The following CTNND2 variants were observed in gnomAD, a reference collection of about 807,000 sequenced individuals.
The protein encoded by CTNND2 is catenin delta-2.
CTNND2 carries 22 observed loss-of-function variants against 144.4 expected under a neutral mutation model. That is an observed-to-expected ratio of 0.15 (90% CI 0.11 to 0.22). The LOEUF (loss-of-function observed/expected upper bound fraction) is 0.22. Ranked by LOEUF, CTNND2 falls within the 10% of genes least tolerant of loss-of-function variation. The pLI, the probability that CTNND2 is intolerant of heterozygous loss-of-function variation, is 1.00. For missense variants in CTNND2, 1,353 were observed against 1,618.8 expected (o/e 0.84, Z 2.82); for synonymous variants, 751 against 695.6 (o/e 1.08, Z -1.25).
At chr5:11,412,465 A>G (rs1761619611) in intron 3 of CTNND2, among the ~76,000 whole-genome samples, 1 of 151,934 alleles carries the variant, frequency 6.6e-6, no homozygotes, top group African/African-American at 2.4e-5. Flanking sequence ...CCCTTTTTTT[A>G]TTAGAGAGAT....
chr5:11,568,676 G>C (rs767943802), intron 2 of CTNND2, among the ~76,000 whole-genome samples: 3 of 152,184 alleles, frequency 2.0e-5, no homozygotes, highest in Non-Finnish European at 4.4e-5. Flanking sequence ...GAATGGATGA[G>C]ATTCTTTTGC....
intron 11 of CTNND2, among the ~76,000 whole-genome samples, chr5:11,175,017 A>G (rs555495259): frequency 2.0e-5 from 3 of 152,206 alleles, no homozygotes; most frequent in Non-Finnish European, 4.4e-5. Flanking sequence ...AGGTTAGTAT[A>G]AAGCTACATT....
intron 3 of CTNND2, among the ~76,000 whole-genome samples, chr5:11,498,044 C>T (rs1316360116): frequency 6.6e-6 from 1 of 152,088 alleles, no homozygotes; most frequent in Admixed American, 6.5e-5. Flanking sequence ...GAATGAAGTG[C>T]CTGAAATCAG....
At chr5:11,120,072 A>T (rs1753933961) in intron 12 of CTNND2, among the ~76,000 whole-genome samples, 1 of 152,236 alleles carries the variant, frequency 6.6e-6, no homozygotes, top group Non-Finnish European at 1.5e-5. Flanking sequence ...TTTCTATTCC[A>T]TTCTAGTCCA....
chr5:11,268,378 T>C (rs1175805102), intron 9 of CTNND2, among the ~76,000 whole-genome samples: 1 of 151,394 alleles, frequency 6.6e-6, no homozygotes, highest in East Asian at 1.9e-4. Context: ...AGGCCAAGAG[T>C]TCAAGATCAG....
At chr5:11,326,622 C>T (rs982252412) in intron 9 of CTNND2, among the ~76,000 whole-genome samples, 8 of 152,164 alleles carry the variant, frequency 5.3e-5, no homozygotes, top group African/African-American at 7.2e-5. Flanking sequence ...TTCTCCCTCA[C>T]GAGGCCTGTA....
At chr5:11,776,140 G>A (rs1287556910) in intron 1 of CTNND2, among the ~76,000 whole-genome samples, 1 of 152,068 alleles carries the variant, frequency 6.6e-6, no homozygotes. Flanking sequence ...GTTGTACACC[G>A]CTCAGTTTGT....
chr5:11,374,061 G>A (rs751233261), intron 7 of CTNND2, among the ~76,000 whole-genome samples: 32 of 152,084 alleles, frequency 2.1e-4, no homozygotes, highest in Non-Finnish European at 4.6e-4. Flanking sequence ...TATGTCTGAG[G>A]AGGGTGGGGT....
chr5:11,637,414 A>C (rs1456620093), intron 2 of CTNND2, among the ~76,000 whole-genome samples: 1 of 152,200 alleles, frequency 6.6e-6, no homozygotes, highest in East Asian at 1.9e-4. Flanking sequence ...GTTAAAAATA[A>C]TTTCATCTTG....
At chr5:11,388,731 C>T (rs1759329914) in intron 6 of CTNND2, among the ~76,000 whole-genome samples, 1 of 152,214 alleles carries the variant, frequency 6.6e-6, no homozygotes, top group Non-Finnish European at 1.5e-5. Context: ...CTGAGGCTGT[C>T]ATTCAAGCCA....
At chr5:11,556,473 T>A (rs568978224) in intron 3 of CTNND2, among the ~76,000 whole-genome samples, 10 of 152,176 alleles carry the variant, frequency 6.6e-5, no homozygotes, top group Non-Finnish European at 1.3e-4. Context: ...TTTGAAGAAA[T>A]AAATTTTATT....
chr5:11,484,369 G>A (rs553348082), intron 3 of CTNND2, among the ~76,000 whole-genome samples: 1 of 152,192 alleles, frequency 6.6e-6, no homozygotes. Flanking sequence ...GTAAGAGTTA[G>A]TAAATGTGGG....
In CTNND2 at chr5:10,972,163, G is replaced by A. The variant is rs1040137684; in HGVS notation, c.*1290C>T. 2.6e-5 allele frequency: 4 copies of A among 152,576 alleles called. No individual in the cohort carries two copies. Among genetic ancestry groups the A allele is most frequent in the East Asian group, 1.9e-4 (1 of 5,198 alleles). The allele number at this position is 152,576 out of a possible 1,614,324, so 9.5% of individuals were successfully genotyped here. ...GAAACTGAATTGGCCATGGTTTATC[G>A]TGTTCTGAGGGGATAAAATGTGTAA... On this transcript the variant is annotated 3_prime_UTR_variant, in exon 22 of 22. Transcript: ENST00000304623.
intron 16 of CTNND2, among the ~76,000 whole-genome samples, chr5:11,065,826 C>T (rs1441668204): frequency 1.3e-5 from 2 of 152,136 alleles, no homozygotes; most frequent in Non-Finnish European, 2.9e-5. Flanking sequence ...TTGAAATGGT[C>T]CTGCAGAGCT....
At chr5:11,845,504 C>T (rs988907636) in intron 1 of CTNND2, among the ~76,000 whole-genome samples, 1 of 152,004 alleles carries the variant, frequency 6.6e-6, no homozygotes, top group Non-Finnish European at 1.5e-5. Flanking sequence ...AAAAGGAGCA[C>T]CACATGAAGA....
At chr5:11,255,699 G>A (rs1242229208) in intron 9 of CTNND2, among the ~76,000 whole-genome samples, 1 of 152,076 alleles carries the variant, frequency 6.6e-6, no homozygotes, top group Admixed American at 6.6e-5. Context: ...TGTTTCTTCA[G>A]TAACTGTTGG....
intron 14 of CTNND2, among the ~76,000 whole-genome samples, chr5:11,101,925 T>TGTGTGTGTGTGTG (rs1751935561): frequency 1.2e-5 from 1 of 86,564 alleles, no homozygotes; most frequent in African/African-American, 4.8e-5. Context: ...GTGTGTGTGT[T>TGTGTGTGTGTGTG]TACATCTTCA....
intron 18 of CTNND2, among the ~76,000 whole-genome samples, chr5:11,003,802 T>C (rs1006715695): frequency 6.6e-6 from 1 of 152,240 alleles, no homozygotes; most frequent in African/African-American, 2.4e-5. Flanking sequence ...TGCAGTTTAA[T>C]GTACAAATAA....
intron 2 of CTNND2, among the ~76,000 whole-genome samples, chr5:11,647,578 A>G (rs1782422404): frequency 1.3e-5 from 2 of 151,740 alleles, no homozygotes; most frequent in South Asian, 4.2e-4. Flanking sequence ...CCTCTCTTCT[A>G]TAATTGAAAT....
Sources: allele counts gnomAD v4.1 joint callset (sites outside exome capture counted in the v4.1 genomes callset), GRCh38; gene constraint gnomAD v4.1.1; transcripts MANE v1.5; gene names NCBI Gene and HGNC (gene_info 2026-07-23, HGNC 2026-07-21).